The following PHF8 variants were observed in gnomAD, a reference collection of about 807,000 sequenced individuals.
PHF8 encodes the protein PHD finger protein 8.
In PHF8, 9 loss-of-function variants were observed where a neutral mutation model predicts 74.4. The ratio of observed to expected loss-of-function variants is 0.12; its 90% CI spans 0.07 to 0.21. The LOEUF (loss-of-function observed/expected upper bound fraction) is 0.21, where lower values mean the gene tolerates loss of function less well. Ranked by LOEUF, PHF8 falls within the 10% of genes least tolerant of loss-of-function variation. The pLI is 1.00. For missense variants in PHF8, 478 were observed against 816.6 expected, an observed-to-expected ratio of 0.59 and a Z score of 5.05; for synonymous variants, 311 against 316.6, an observed-to-expected ratio of 0.98 and a Z score of 0.19.
intron 2 of PHF8, 30 bp from the exon 3 acceptor site, chrX:54,022,873 T>C (rs782440515): frequency 8.8e-6 from 9 of 1,021,462 alleles, no homozygotes; most frequent in East Asian, 3.1e-5. Flanking sequence ...CCAAGGTTTA[T>C]GGAAATTTTA....
At chrX:54,042,869 A>T (rs1187802298) in intron 1 of PHF8, 49 bp from the exon 2 acceptor site, 1 of 758,266 alleles carries the variant, frequency 1.3e-6, no homozygotes, top group South Asian at 2.8e-5. Context: ...CCCGCCCCCC[A>T]CCCCCTTGCA....
At chrX:53,957,499 C>T (rs1377933418) in intron 19 of PHF8, among the ~76,000 whole-genome samples, 2 of 110,188 alleles carry the variant, frequency 1.8e-5, no homozygotes, top group Non-Finnish European at 3.8e-5. Flanking sequence ...CCAGCCTGGG[C>T]GACAGACCGA....
At chrX:53,946,411 T>C (rs1172855916) in intron 19 of PHF8, among the ~76,000 whole-genome samples, 2 of 112,566 alleles carry the variant, frequency 1.8e-5, no homozygotes, top group Non-Finnish European at 3.7e-5. Context: ...AAGCCATTCA[T>C]ATTACTTTCA....
At chrX:53,978,911 C>G (rs1449663144) in intron 18 of PHF8, among the ~76,000 whole-genome samples, 1 of 110,035 alleles carries the variant, frequency 9.1e-6, no homozygotes, top group Non-Finnish European at 1.9e-5. Context: ...ACCACAGTGA[C>G]AGAGAGCAGA....
chrX:53,966,303 T>G (rs1345452188), intron 18 of PHF8, among the ~76,000 whole-genome samples: 3 of 111,813 alleles, frequency 2.7e-5, no homozygotes, highest in African/African-American at 9.7e-5. Flanking sequence ...ACTGTACTGC[T>G]GCCATCTCGG....
intron 5 of PHF8, 46 bp downstream of exon 5, chrX:54,017,615 A>C (rs782544775): frequency 5.6e-6 from 6 of 1,079,035 alleles, no homozygotes; most frequent in Non-Finnish European, 7.7e-6. Flanking sequence ...ACAGATCTTG[A>C]CAGGAATGAA....
intron 10 of PHF8, among the ~76,000 whole-genome samples, chrX:54,001,539 T>C (rs1472674034): frequency 6.4e-5 from 7 of 108,982 alleles, no homozygotes; most frequent in Non-Finnish European, 1.3e-4. Context: ...GACAAAATTA[T>C]AGAAATGGAA....
rs2064713284 is a variant in PHF8 at position 53,939,281 on chromosome X, G to T, written c.2987-35C>A. On this transcript the variant is annotated intron_variant, in intron 21 of 21. Coordinates refer to ENST00000338154, the MANE Select transcript of PHF8 (RefSeq NM_015107.3). ...AAGGGAAAAGTAAGCAAGGGCTTTG[G>T]CAAGGGCTTCAACATCAAATCTGGC... 9 of 1,127,602 alleles carry T rather than the reference G, an allele frequency of 8.0e-6. No individual in the cohort carries two copies. The Admixed American group carries it at 1.1e-4, about 14-fold the overall frequency. The allele number at this position is 1,127,602 out of a possible 1,213,427, so 92.9% of individuals were successfully genotyped here.
chrX:53,986,282 G>A (rs1557099560), intron 16 of PHF8, among the ~76,000 whole-genome samples: 4 of 112,453 alleles, frequency 3.6e-5, no homozygotes, highest in East Asian at 2.8e-4. Context: ...TCGTTCTGTC[G>A]CCAGGCTGGA....
At position 53,939,004 on chromosome X, in the gene PHF8, G is replaced by A. The variant is rs2064709008; in HGVS notation, c.*154C>T. The A allele has an allele frequency of 1.9e-6, 2 of 1,041,230 alleles. No individual in the cohort carries two copies. Among genetic ancestry groups the A allele is most frequent in the South Asian group, 3.4e-5 (1 of 29,785 alleles). 85.8% of individuals were successfully genotyped at this position (1,041,230 alleles called of 1,213,427 possible). A position where few individuals can be genotyped will look rare whatever the true frequency, so the allele number is the denominator to read the frequency against. On this transcript the variant is annotated 3_prime_UTR_variant, in exon 22 of 22. Transcript: ENST00000338154. ...GTGGGGAAGGGAACTAGAAGGAGTC[G>A]GTGGAGGGGTCCGTGCCTTTGGTAA...
At chrX:54,002,517 C>G (rs1487279598) in intron 9 of PHF8, 78 bp downstream of exon 9, 2 of 655,046 alleles carry the variant, frequency 3.1e-6, no homozygotes, top group Non-Finnish European at 5.1e-6. Flanking sequence ...CTGGCCATGT[C>G]CCCTCCTTCT....
At chrX:54,004,708 A>T (rs1284798510) in intron 8 of PHF8, among the ~76,000 whole-genome samples, 2 of 111,036 alleles carry the variant, frequency 1.8e-5, no homozygotes, top group Non-Finnish European at 3.8e-5. Flanking sequence ...AGGTGGGTAT[A>T]TCACGAGGTC....
chrX:54,043,229 G>A (rs1213439937), intron 1 of PHF8: 41 of 527,215 alleles, frequency 7.8e-5, no homozygotes, highest in Non-Finnish European at 9.0e-5. Flanking sequence ...GAGGCTGGGG[G>A]TATCTCAAGA....
chrX:54,039,133 CAAAAAAAAAA>C (rs61507959), intron 2 of PHF8, among the ~76,000 whole-genome samples: 1 of 42,622 alleles, frequency 2.3e-5, no homozygotes, highest in Non-Finnish European at 4.7e-5. Flanking sequence ...GACTCTGTCT[CAAAAAAAAAA>C]AAAAAAAAAA....
At chrX:54,001,136 G>T (rs1472165841) in intron 10 of PHF8, among the ~76,000 whole-genome samples, 3 of 111,240 alleles carry the variant, frequency 2.7e-5, no homozygotes, top group Admixed American at 9.6e-5. Flanking sequence ...GACCATCCTG[G>T]CCAACATGGT....
intron 4 of PHF8, among the ~76,000 whole-genome samples, chrX:54,019,787 C>CA (rs781792263): frequency 0.064 from 1,735 of 27,314 alleles, 39 homozygotes; most frequent in Non-Finnish European, 0.086. Flanking sequence ...GACACCGCCT[C>CA]AAAAAAAAAA....
intron 2 of PHF8, among the ~76,000 whole-genome samples, chrX:54,032,111 G>A (rs1318719181): frequency 5.4e-5 from 6 of 111,448 alleles, no homozygotes; most frequent in African/African-American, 2.0e-4. Flanking sequence ...TGCTCAAAAA[G>A]CTTCTGTGGC....
At chrX:53,972,604 T>C (rs1411864523) in intron 18 of PHF8, among the ~76,000 whole-genome samples, 1 of 111,558 alleles carries the variant, frequency 9.0e-6, no homozygotes, top group East Asian at 2.8e-4. Flanking sequence ...CATCCCTTCA[T>C]GTTAAAAACT....
chrX:53,944,451 C>T (rs1410427615), intron 19 of PHF8: 5 of 408,561 alleles, frequency 1.2e-5, no homozygotes, highest in Non-Finnish European at 2.1e-5. Context: ...GTAAACCTCC[C>T]AGAGGGAAAA....
Sources: gnomAD v4.1 joint callset for allele counts (sites outside exome capture counted in the v4.1 genomes callset) on GRCh38, gnomAD v4.1.1 for gene constraint, MANE v1.5 for transcripts, NCBI Gene and HGNC (gene_info 2026-07-23, HGNC 2026-07-21) for gene names.